LRBA: variants seen among roughly 807,000 people sequenced by gnomAD.
The protein encoded by LRBA is lipopolysaccharide-responsive and beige-like anchor protein.
Under a neutral mutation model 330.0 loss-of-function variants are expected in LRBA, and 176 were observed. That is an observed-to-expected ratio of 0.53 (90% CI 0.47 to 0.60). LRBA has a LOEUF of 0.60. Among genes scored for constraint, LRBA ranks in the 20% least tolerant of loss-of-function variants. The pLI is 0.00. For missense variants in LRBA, 3,259 were observed against 3,444.8 expected (o/e 0.95, Z 1.35); for synonymous variants, 1,230 against 1,193.0 (o/e 1.03, Z -0.64).
In LRBA at chr4:150,265,701, G is replaced by GTTGA; in HGVS notation, c.*17_*20dup. 6.6e-7 allele frequency: 1 copy of GTTGA among 1,516,598 alleles called. No individual in the cohort carries two copies. The allele number at this position is 1,516,598 out of a possible 1,614,324, so 93.9% of individuals were successfully genotyped here. Reference sequence around the variant, plus strand: ...TACTTCTGCTCATCCTAGGGGCAGAGTTGATGTACAGCTGTCACCATCAGT... The same window carrying GTTGA: ...TACTTCTGCTCATCCTAGGGGCAGAGTTGATTGATGTACAGCTGTCACCATCAGT... On this transcript the variant is annotated 3_prime_UTR_variant, in exon 57 of 57. Coordinates refer to ENST00000651943, the MANE Select transcript of LRBA (RefSeq NM_001364905.1).
chr4:150,901,951 A>AT (rs1268081901), intron 13 of LRBA, among the ~76,000 whole-genome samples: 4 of 152,222 alleles, frequency 2.6e-5, no homozygotes, highest in African/African-American at 2.4e-5. Flanking sequence ...AACTATATGC[A>AT]TAACACTGTA....
intron 2 of LRBA, among the ~76,000 whole-genome samples, chr4:150,942,540 C>T (rs1444170189): frequency 6.6e-6 from 1 of 152,116 alleles, no homozygotes; most frequent in Non-Finnish European, 1.5e-5. Flanking sequence ...ATTTAATATG[C>T]TGAACTGAAA....
At chr4:150,907,565 C>G (rs969088171) in intron 11 of LRBA, among the ~76,000 whole-genome samples, 12 of 151,854 alleles carry the variant, frequency 7.9e-5, no homozygotes, top group African/African-American at 2.9e-4. Flanking sequence ...ATTATACACA[C>G]TGGTGGCAGA....
chr4:150,463,373 C>T (rs1402953475), intron 44 of LRBA, among the ~76,000 whole-genome samples: 1 of 151,808 alleles, frequency 6.6e-6, no homozygotes, highest in Admixed American at 6.6e-5. Context: ...CCTTCCTCAG[C>T]CAAAAGGGCA....
intron 42 of LRBA, among the ~76,000 whole-genome samples, chr4:150,484,657 C>A (rs529521031): frequency 5.9e-5 from 9 of 151,622 alleles, no homozygotes; most frequent in African/African-American, 2.2e-4. Context: ...CTTCAGCTTA[C>A]TTTGACTACA....
Position 150,327,847 on chromosome 4 carries a change from G to A in LRBA, c.7363-1949C>T, listed in dbSNP as rs184176235. Reference sequence around the variant, plus strand: ...CAGCTAAAATAAAGAAGGAAGAAATGCCTCAGGAGTTTATGTAGGAAGAGA... The same window carrying A: ...CAGCTAAAATAAAGAAGGAAGAAATACCTCAGGAGTTTATGTAGGAAGAGA... On this transcript the variant is annotated intron_variant, in intron 48 of 56. Transcript: ENST00000651943. Among the ~76,000 whole-genome samples the A allele has an allele frequency of 1.3e-3, 191 of 152,284 alleles. 2 individuals carry two copies. In the Middle Eastern group the frequency reaches 0.024, roughly 19 times the overall value.
At chr4:150,823,831 G>A (rs773995797) in intron 30 of LRBA, among the ~76,000 whole-genome samples, 1 of 151,954 alleles carries the variant, frequency 6.6e-6, no homozygotes, top group Non-Finnish European at 1.5e-5. Context: ...TTTTATGACA[G>A]TATCATGCTG....
intron 31 of LRBA, among the ~76,000 whole-genome samples, chr4:150,815,263 T>C (rs1338484790): frequency 6.6e-6 from 1 of 151,476 alleles, no homozygotes; most frequent in Non-Finnish European, 1.5e-5. Flanking sequence ...AGTTGATTCT[T>C]TTTTTTTAAA....
At chr4:150,927,507 C>T (rs932275592) in intron 4 of LRBA, among the ~76,000 whole-genome samples, 2 of 150,602 alleles carry the variant, frequency 1.3e-5, no homozygotes, top group Admixed American at 6.6e-5. Context: ...AAATAAAGCA[C>T]AAAAAGATTA....
At position 150,631,547 on chromosome 4, in the gene LRBA, G is replaced by T. The variant is rs149554995; in HGVS notation, c.5922-32416C>A. 2.4e-4 allele frequency among the ~76,000 whole-genome samples: 36 copies of T among 152,186 alleles called. 1 individual carries two copies. In the East Asian group the frequency reaches 6.8e-3, roughly 29 times the overall value. On this transcript the variant is annotated intron_variant, in intron 37 of 56. Transcript: ENST00000651943. ...ATGAGAATAAATTGTCTTAAATTTCGATATGTATTACATAATCACCTTCCA... is the reference window on the plus strand; with the variant it reads ...ATGAGAATAAATTGTCTTAAATTTCTATATGTATTACATAATCACCTTCCA...
In LRBA at chr4:150,690,400, G is replaced by A. The variant is rs187272762; in HGVS notation, c.5755-6683C>T. Reference sequence around the variant, plus strand: ...CGCCTGTAATCCCAGGTACTCAGGAGGCTGAGGCAGGAGAAACGTTTGAAC... The same window carrying A: ...CGCCTGTAATCCCAGGTACTCAGGAAGCTGAGGCAGGAGAAACGTTTGAAC... On this transcript the variant is annotated intron_variant, in intron 36 of 56. Coordinates refer to ENST00000651943, the MANE Select transcript of LRBA (RefSeq NM_001364905.1). 1.9e-3 allele frequency among the ~76,000 whole-genome samples: 282 copies of A among 151,888 alleles called. 3 individuals carry two copies. Among genetic ancestry groups the A allele is most frequent in the Middle Eastern group, 0.014 (4 of 294 alleles).
At chr4:150,725,472 T>A (rs1262074830) in intron 36 of LRBA, among the ~76,000 whole-genome samples, 2 of 152,202 alleles carry the variant, frequency 1.3e-5, no homozygotes, top group African/African-American at 2.4e-5. Context: ...TACTCTAGAA[T>A]AGTATATCCA....
intron 37 of LRBA, among the ~76,000 whole-genome samples, chr4:150,641,451 T>A (rs1169647353): frequency 2.6e-5 from 4 of 152,144 alleles, no homozygotes; most frequent in Admixed American, 1.3e-4. Context: ...GAATCACAAC[T>A]CTTCTAAATA....
At chr4:150,392,796 A>G (rs1007982227) in intron 47 of LRBA, among the ~76,000 whole-genome samples, 1 of 150,502 alleles carries the variant, frequency 6.6e-6, no homozygotes, top group African/African-American at 2.4e-5. Flanking sequence ...GATTTGAACA[A>G]TGAGAACACA....
chr4:150,700,338 T>C (rs80221712), intron 36 of LRBA, among the ~76,000 whole-genome samples: 3,524 of 152,246 alleles, frequency 0.023, 156 homozygotes, highest in East Asian at 0.11. Flanking sequence ...GTATTAAATG[T>C]TGTAGGCAAC....
intron 40 of LRBA, among the ~76,000 whole-genome samples, chr4:150,525,633 C>T (rs1763381554): frequency 6.6e-6 from 1 of 152,152 alleles, no homozygotes; most frequent in African/African-American, 2.4e-5. Context: ...TATCATGGCA[C>T]AGGCTTGAAA....
intron 35 of LRBA, among the ~76,000 whole-genome samples, chr4:150,750,980 G>A (rs1265017362): frequency 1.3e-5 from 2 of 150,016 alleles, no homozygotes; most frequent in Non-Finnish European, 3.0e-5. Flanking sequence ...TAACATCTAA[G>A]AGGTACTGTT....
chr4:150,462,482 A>T (rs949857303), intron 44 of LRBA, among the ~76,000 whole-genome samples: 1 of 151,780 alleles, frequency 6.6e-6, no homozygotes, highest in Non-Finnish European at 1.5e-5. Flanking sequence ...TTAAAAAGAC[A>T]TTTTTTACAC....
intron 43 of LRBA, among the ~76,000 whole-genome samples, chr4:150,470,668 A>AT (rs1354993540): frequency 6.6e-6 from 1 of 151,788 alleles, no homozygotes; most frequent in Non-Finnish European, 1.5e-5. Flanking sequence ...TTGCACCACC[A>AT]TTTTCCCACT....
Sources: gnomAD v4.1 joint callset for allele counts (sites outside exome capture counted in the v4.1 genomes callset) on GRCh38, gnomAD v4.1.1 for gene constraint, MANE v1.5 for transcripts, NCBI Gene and HGNC (gene_info 2026-07-23, HGNC 2026-07-21) for gene names.